The following SH3RF1 variants were observed in gnomAD, a reference collection of about 807,000 sequenced individuals.
SH3RF1 encodes SH3 domain containing ring finger 1.
SH3RF1 carries 32 observed loss-of-function variants against 74.0 expected under a neutral mutation model. That is an observed-to-expected ratio of 0.43 (90% CI 0.33 to 0.58). The LOEUF is 0.58. Among genes scored for constraint, SH3RF1 ranks in the 20% least tolerant of loss-of-function variants. The probability of loss-of-function intolerance (pLI) is 0.05; values close to 1 mark genes in which losing one functional copy is unlikely to be tolerated. For synonymous variants in SH3RF1, 396 were observed against 439.6 expected (o/e 0.90, Z 1.24); for missense variants, 954 against 1,130.9 (o/e 0.84, Z 2.24).
At chr4:169,154,534 T>A (rs1453043921) in intron 4 of SH3RF1, among the ~76,000 whole-genome samples, 1 of 152,180 alleles carries the variant, frequency 6.6e-6, no homozygotes, top group Non-Finnish European at 1.5e-5. Context: ...TACTTTCAAT[T>A]CCCCAAATAA....
intron 2 of SH3RF1, among the ~76,000 whole-genome samples, chr4:169,219,046 T>G (rs1730519615): frequency 6.6e-6 from 1 of 152,108 alleles, no homozygotes; most frequent in Non-Finnish European, 1.5e-5. Context: ...AGACTCAAAC[T>G]CCTTAATAAC....
At chr4:169,150,085 A>G (rs1298874522) in intron 4 of SH3RF1, among the ~76,000 whole-genome samples, 1 of 152,208 alleles carries the variant, frequency 6.6e-6, no homozygotes, top group Non-Finnish European at 1.5e-5. Context: ...GTTAAGGCTG[A>G]TAACACACTC....
intron 2 of SH3RF1, among the ~76,000 whole-genome samples, chr4:169,183,750 T>TAAAA (rs199772454): frequency 2.1e-5 from 3 of 140,254 alleles, no homozygotes; most frequent in Non-Finnish European, 4.6e-5. Flanking sequence ...GCTGTCTCTT[T>TAAAA]AAAAAAAAAA....
intron 2 of SH3RF1, among the ~76,000 whole-genome samples, chr4:169,190,470 AGAG>A (rs1439423754): frequency 1.3e-5 from 2 of 152,262 alleles, no homozygotes; most frequent in East Asian, 3.9e-4. Context: ...TAGAAAACCT[AGAG>A]GAGATGGATA....
intron 4 of SH3RF1, among the ~76,000 whole-genome samples, chr4:169,140,593 T>C (rs1733768249): frequency 6.6e-6 from 1 of 152,104 alleles, no homozygotes; most frequent in Non-Finnish European, 1.5e-5. Flanking sequence ...AAATATGAGA[T>C]GAAATACTGA....
chr4:169,145,505 C>A (rs1733860067), intron 4 of SH3RF1, among the ~76,000 whole-genome samples: 1 of 150,522 alleles, frequency 6.6e-6, no homozygotes, highest in Non-Finnish European at 1.5e-5. Flanking sequence ...CCAAACCTCA[C>A]CAATATGCAT....
At chr4:169,194,176 A>C (rs1304446713) in intron 2 of SH3RF1, among the ~76,000 whole-genome samples, 2 of 152,176 alleles carry the variant, frequency 1.3e-5, no homozygotes, top group African/African-American at 4.8e-5. Flanking sequence ...ACAGTACTAA[A>C]ATTGCATGAG....
intron 2 of SH3RF1, among the ~76,000 whole-genome samples, chr4:169,243,588 C>G (rs1730948806): frequency 1.3e-5 from 2 of 152,068 alleles, no homozygotes; most frequent in African/African-American, 4.8e-5. Flanking sequence ...TAGGCTAATT[C>G]CCTCAGTTTA....
chr4:169,255,942 G>C (rs1731186768), intron 2 of SH3RF1, among the ~76,000 whole-genome samples: 1 of 151,432 alleles, frequency 6.6e-6, no homozygotes, highest in South Asian at 2.1e-4. Flanking sequence ...TAATTTTTTT[G>C]TTTTTGGTAA....
Position 169,177,888 on chromosome 4 carries a change from C to T in SH3RF1, c.394-21209G>A, listed in dbSNP as rs1230014858. 2.6e-5 allele frequency among the ~76,000 whole-genome samples: 4 copies of T among 151,922 alleles called. No individual in the cohort carries two copies. In the East Asian group the frequency reaches 7.7e-4, roughly 29 times the overall value. The stretch of plus-strand genomic sequence containing the variant: ...TATATATGCTCACGTTATACATACA[C>T]ATATATATGCATCTCATATATGTGA... On this transcript the variant is annotated intron_variant, in intron 2 of 11. Coordinates refer to ENST00000284637, the MANE Select transcript of SH3RF1 (RefSeq NM_020870.4).
chr4:169,155,518 C>T lies in SH3RF1; in HGVS notation c.727G>A (p.Ala243Thr), dbSNP rs759870010. Residue 243 changes from alanine (A) to threonine (T), a missense_variant, in exon 4 of 12, where the codon GCA becomes ACA. By Grantham distance (58) the Ala-to-Thr change is moderately conservative. Transcript: ENST00000284637. ...VDENWAEGMLADKIGIFPISY... is the reference protein window; with the variant it reads ...VDENWAEGMLTDKIGIFPISY... Reference sequence around the variant, plus strand: ...ATTGGAAATATTCCTATTTTGTCTGCCAGCATTCCTTCAGCCCAGTTTTCA... The same window carrying T: ...ATTGGAAATATTCCTATTTTGTCTGTCAGCATTCCTTCAGCCCAGTTTTCA... The T allele has an allele frequency of 7.4e-6, 12 of 1,613,454 alleles. No homozygotes were observed. In the South Asian group the frequency reaches 1.2e-4, roughly 16 times the overall value.
At chr4:169,193,397 C>T (rs1276550621) in intron 2 of SH3RF1, among the ~76,000 whole-genome samples, 1 of 152,110 alleles carries the variant, frequency 6.6e-6, no homozygotes, top group Non-Finnish European at 1.5e-5. Context: ...GTGTTAGCTT[C>T]CAACAGACAA....
At chr4:169,171,838 G>A (rs1734332313) in intron 2 of SH3RF1, among the ~76,000 whole-genome samples, 1 of 152,162 alleles carries the variant, frequency 6.6e-6, no homozygotes, top group South Asian at 2.1e-4. Flanking sequence ...TAGAAGAGAT[G>A]AAGAAAATGA....
chr4:169,223,761 G>T (rs1165886627), intron 2 of SH3RF1, among the ~76,000 whole-genome samples: 2 of 152,128 alleles, frequency 1.3e-5, no homozygotes, highest in African/African-American at 4.8e-5. Context: ...ATAAACCAGG[G>T]TAAGAGCACA....
chr4:169,144,972 T>C (rs905249784), intron 4 of SH3RF1, among the ~76,000 whole-genome samples: 2 of 152,012 alleles, frequency 1.3e-5, no homozygotes, highest in African/African-American at 4.8e-5. Context: ...CAAGAAGACC[T>C]TGCAAAGTTT....
In SH3RF1 at chr4:169,261,660, G is replaced by A. The variant is rs937735740; in HGVS notation, c.393+7160C>T. Among the ~76,000 whole-genome samples the A allele has an allele frequency of 8.0e-5, 12 of 150,824 alleles. 1 individual carries two copies. Among genetic ancestry groups the A allele is most frequent in the South Asian group, 2.1e-4 (1 of 4,788 alleles). On this transcript the variant is annotated intron_variant, in intron 2 of 11. Transcript: ENST00000284637. ...CTTATAGATCAATGTGAGTAGATAC[G>A]GAAGCTATCCAAGTTTTATCATTAA...
intron 2 of SH3RF1, among the ~76,000 whole-genome samples, chr4:169,228,878 C>T (rs1049782478): frequency 3.3e-5 from 5 of 152,038 alleles, no homozygotes. Context: ...TGAATACTTC[C>T]ACAAGTGTCT....
In SH3RF1 at chr4:169,204,334, A is replaced by G. The variant is rs577887976; in HGVS notation, c.394-47655T>C. Among the ~76,000 whole-genome samples, 14 of 152,212 alleles carry G rather than the reference A, an allele frequency of 9.2e-5. No homozygotes were observed. In the South Asian group the frequency reaches 2.9e-3, roughly 32 times the overall value. The stretch of plus-strand genomic sequence containing the variant: ...GCACCTCATTTCATTCAATCATCCT[A>G]TTCTCTGTCAAAGGTTTTATCTCCC... On this transcript the variant is annotated intron_variant, in intron 2 of 11. Transcript: ENST00000284637.
chr4:169,156,532 C>T lies in SH3RF1; in HGVS notation c.541G>A (p.Gly181Ser), dbSNP rs140775945. Residue 181 changes from glycine (G) to serine (S), a missense_variant, in exon 3 of 12, where the codon GGC (glycine) becomes AGC (serine). Gly to Ser is a moderately conservative substitution (Grantham distance 56). Transcript: ENST00000284637. ...WYHGEVNGIH[G>S]FFPTNFVQII... ...TGCACAAAGTTGGTGGGGAAAAAGC[C>T]ATGGATTCCATTGACTTCCCCATGG... The T allele has an allele frequency of 6.2e-7, 1 of 1,613,964 alleles. No homozygotes were observed. Among genetic ancestry groups the T allele is most frequent in the African/African-American group, 1.3e-5 (1 of 74,916 alleles).
Sources: allele counts gnomAD v4.1 joint callset (sites outside exome capture counted in the v4.1 genomes callset), GRCh38; gene constraint gnomAD v4.1.1; transcripts MANE v1.5; gene names NCBI Gene and HGNC (gene_info 2026-07-23, HGNC 2026-07-21).